The following CCSER1 variants were observed in gnomAD, a reference collection of about 807,000 sequenced individuals.
CCSER1 encodes serine-rich coiled-coil domain-containing protein 1.
In CCSER1, 41 loss-of-function variants were observed where a neutral mutation model predicts 82.0. The observed-to-expected ratio is 0.50, with a 90% CI of 0.39 to 0.65. The LOEUF is 0.65. CCSER1 is among the 30% of genes least tolerant of loss of function. The probability of loss-of-function intolerance (pLI) is 0.00; values close to 1 mark genes in which losing one functional copy is unlikely to be tolerated. For missense variants in CCSER1, 1,119 were observed against 1,064.2 expected (o/e 1.05, Z -0.72); for synonymous variants, 414 against 383.9 (o/e 1.08, Z -0.92).
intron 10 of CCSER1, among the ~76,000 whole-genome samples, chr4:91,158,087 G>A (rs974170218): frequency 1.3e-5 from 2 of 151,938 alleles, no homozygotes; most frequent in African/African-American, 2.4e-5. Context: ...GAAAGGATTT[G>A]TGCTACATCA....
intron 3 of CCSER1, among the ~76,000 whole-genome samples, chr4:90,375,178 A>G (rs533390673): frequency 7.3e-4 from 111 of 152,262 alleles, no homozygotes; most frequent in Non-Finnish European, 1.2e-3. Context: ...AGTTCATCCA[A>G]CTGGATTCTT....
At position 90,391,291 on chromosome 4, in the gene CCSER1, A is replaced by G. The variant is rs1311574494; in HGVS notation, c.1510-8745A>G. Among the ~76,000 whole-genome samples, 16 of 146,238 alleles carry G rather than the reference A, an allele frequency of 1.1e-4. 1 individual carries two copies. The highest frequency in any genetic ancestry group is 3.6e-4 in the African/African-American group (14 of 39,320). On this transcript the variant is annotated intron_variant, in intron 3 of 10. Coordinates refer to ENST00000509176, the MANE Select transcript of CCSER1 (RefSeq NM_001145065.2). ...CTGTCTCAAAAAAAAAAAAAAGAAA[A>G]AAAAAGAAAAAGAAGTAGCCCTTTT...
rs935053331 is a variant in CCSER1 at position 90,418,212 on chromosome 4, A to G, written c.1603+18083A>G. Among the ~76,000 whole-genome samples, 3 of 152,084 alleles carry G rather than the reference A, an allele frequency of 2.0e-5. No individual in the cohort carries two copies. The East Asian group carries it at 5.8e-4, about 29-fold the overall frequency. On this transcript the variant is annotated intron_variant, in intron 4 of 10. Coordinates refer to ENST00000509176, the MANE Select transcript of CCSER1 (RefSeq NM_001145065.2). ...AAGTTAAAGCTTTGTAGAATATGCA[A>G]TCTCATGTCCAGCATATATATTTTT...
intron 10 of CCSER1, among the ~76,000 whole-genome samples, chr4:91,292,864 A>G (rs902011804): frequency 3.3e-5 from 5 of 151,948 alleles, no homozygotes; most frequent in Admixed American, 6.6e-5. Context: ...ACTTGTCTAT[A>G]CTATTCCATG....
At chr4:91,239,014 C>T (rs894852482) in intron 10 of CCSER1, among the ~76,000 whole-genome samples, 3 of 151,960 alleles carry the variant, frequency 2.0e-5, no homozygotes, top group African/African-American at 7.3e-5. Flanking sequence ...TTAGTAGAGA[C>T]AGGTTTTCAC....
At chr4:91,035,850 C>T (rs946335071) in intron 9 of CCSER1, among the ~76,000 whole-genome samples, 9 of 152,108 alleles carry the variant, frequency 5.9e-5, no homozygotes, top group East Asian at 1.9e-4. Flanking sequence ...ACTCCTAAAA[C>T]GCCACAAAAT....
At chr4:90,444,294 C>A (rs1221217184) in intron 4 of CCSER1, among the ~76,000 whole-genome samples, 1 of 151,986 alleles carries the variant, frequency 6.6e-6, no homozygotes, top group African/African-American at 2.4e-5. Context: ...TGTCTTACTG[C>A]CATTCTTTGT....
At chr4:90,502,285 G>A (rs1475648414) in intron 5 of CCSER1, among the ~76,000 whole-genome samples, 2 of 152,136 alleles carry the variant, frequency 1.3e-5, no homozygotes, top group Non-Finnish European at 2.9e-5. Flanking sequence ...TCATGTGGCA[G>A]CAGGAGAGAG....
Position 90,835,429 on chromosome 4 carries a change from A to G in CCSER1, c.2094+19584A>G, listed in dbSNP as rs543421793. Among the ~76,000 whole-genome samples the G allele has an allele frequency of 4.6e-5, 7 of 152,330 alleles. No individual in the cohort carries two copies. In the South Asian group the frequency reaches 1.5e-3, roughly 32 times the overall value. The stretch of plus-strand genomic sequence containing the variant: ...GCTCATATTTGAGCTTCTAAATGCA[A>G]TGCTATTGGACGTATTTGCCACTTC... On this transcript the variant is annotated intron_variant, in intron 8 of 10. Transcript: ENST00000509176.
chr4:91,270,217 T>C (rs1169369296), intron 10 of CCSER1, among the ~76,000 whole-genome samples: 1 of 152,184 alleles, frequency 6.6e-6, no homozygotes, highest in Non-Finnish European at 1.5e-5. Flanking sequence ...ACTGTTTTGC[T>C]TTTTGATGTG....
intron 5 of CCSER1, among the ~76,000 whole-genome samples, chr4:90,579,538 A>C (rs920790761): frequency 6.6e-6 from 1 of 152,150 alleles, no homozygotes; most frequent in African/African-American, 2.4e-5. Context: ...AATCCACTTC[A>C]TGTAGTATCC....
rs200444562 is a variant in CCSER1, at chr4:90,818,289, T to A, written c.2094+2444T>A. Among the ~76,000 whole-genome samples, 8 of 151,376 alleles carry A rather than the reference T, an allele frequency of 5.3e-5. No homozygotes were observed. The East Asian group carries it at 1.5e-3, about 29-fold the overall frequency. ...TCTTTTCTTTTTTTTCTTTTTTTTT[T>A]TTTTTAAGATAGAATCTTGCTCTGT... On this transcript the variant is annotated intron_variant, in intron 8 of 10. Coordinates refer to ENST00000509176, the MANE Select transcript of CCSER1 (RefSeq NM_001145065.2).
chr4:91,389,579 A>G (rs1751524039), intron 10 of CCSER1, among the ~76,000 whole-genome samples: 1 of 151,710 alleles, frequency 6.6e-6, no homozygotes, highest in Non-Finnish European at 1.5e-5. Flanking sequence ...TTGTTTCTCC[A>G]TATAAACTTT....
chr4:91,095,649 G>T (rs11727458), intron 10 of CCSER1, among the ~76,000 whole-genome samples: 14,593 of 152,210 alleles, frequency 0.096, 947 homozygotes, highest in East Asian at 0.27. Flanking sequence ...ATCAAAAGGA[G>T]TGTACATACG....
intron 10 of CCSER1, among the ~76,000 whole-genome samples, chr4:91,349,884 G>A (rs909149601): frequency 6.6e-6 from 1 of 151,922 alleles, no homozygotes; most frequent in Middle Eastern, 3.2e-3. Context: ...GTTTCCCATG[G>A]AGGTTTCTGC....
intron 10 of CCSER1, among the ~76,000 whole-genome samples, chr4:91,459,525 A>G (rs751374348): frequency 3.3e-5 from 5 of 152,156 alleles, no homozygotes; most frequent in Non-Finnish European, 7.3e-5. Context: ...GCTGTGATAT[A>G]CGTGGCTCTC....
chr4:90,757,229 G>C (rs1749678238), intron 7 of CCSER1, among the ~76,000 whole-genome samples: 1 of 152,148 alleles, frequency 6.6e-6, no homozygotes, highest in Non-Finnish European at 1.5e-5. Flanking sequence ...AAATAGAGTA[G>C]GTGTTCCAAT....
chr4:90,983,595 T>C (rs893238615), intron 9 of CCSER1, among the ~76,000 whole-genome samples: 6 of 151,588 alleles, frequency 4.0e-5, no homozygotes, highest in Non-Finnish European at 7.4e-5. Flanking sequence ...TAAAGCAAGA[T>C]TTTGGTGTTT....
At chr4:90,708,135 A>G (rs1739755250) in intron 6 of CCSER1, among the ~76,000 whole-genome samples, 1 of 152,206 alleles carries the variant, frequency 6.6e-6, no homozygotes, top group African/African-American at 2.4e-5. Context: ...TGTTGGACCC[A>G]GAGGCTTTGC....
Sources: allele counts gnomAD v4.1 joint callset (sites outside exome capture counted in the v4.1 genomes callset), GRCh38; gene constraint gnomAD v4.1.1; transcripts MANE v1.5; gene names NCBI Gene and HGNC (gene_info 2026-07-23, HGNC 2026-07-21).